GALNT16: variants seen among roughly 807,000 people sequenced by gnomAD.
GALNT16 encodes UDP-GalNAc:polypeptide N-acetylgalactosaminyltransferase-like protein 1.
In GALNT16, 40 loss-of-function variants were observed where a neutral mutation model predicts 76.1. That is an observed-to-expected ratio of 0.53 (90% CI 0.41 to 0.68). The LOEUF is 0.68. Ranked by LOEUF, GALNT16 falls within the 30% of genes least tolerant of loss-of-function variation. GALNT16 has a pLI of 0.00. For synonymous variants in GALNT16, 276 were observed against 285.2 expected, an observed-to-expected ratio of 0.97 and a Z score of 0.32; for missense variants, 621 against 731.9, an observed-to-expected ratio of 0.85 and a Z score of 1.75.
At chr14:69,265,401 C>T (rs1323434340) in intron 1 of GALNT16, among the ~76,000 whole-genome samples, 1 of 152,176 alleles carries the variant, frequency 6.6e-6, no homozygotes, top group African/African-American at 2.4e-5. Context: ...GGCTTTCTTC[C>T]ATGGTGGCTG....
chr14:69,265,883 G>T (rs909270911), intron 1 of GALNT16, among the ~76,000 whole-genome samples: 4 of 152,164 alleles, frequency 2.6e-5, no homozygotes, highest in African/African-American at 9.7e-5. Flanking sequence ...TACCTGTCTA[G>T]CCTCCATAAT....
intron 1 of GALNT16, among the ~76,000 whole-genome samples, chr14:69,271,157 T>A (rs2044402836): frequency 6.6e-6 from 1 of 152,088 alleles, no homozygotes; most frequent in Non-Finnish European, 1.5e-5. Flanking sequence ...CATCGCTGGA[T>A]GCACCCCGGA....
intron 1 of GALNT16, among the ~76,000 whole-genome samples, chr14:69,275,197 G>C (rs550929849): frequency 2.0e-5 from 3 of 152,112 alleles, no homozygotes; most frequent in African/African-American, 7.2e-5. Context: ...GACTAGAAGG[G>C]TGCAGCCTGG....
intron 12 of GALNT16, among the ~76,000 whole-genome samples, chr14:69,346,589 G>A (rs949892804): frequency 2.6e-5 from 4 of 152,170 alleles, no homozygotes; most frequent in Admixed American, 6.5e-5. Context: ...ACTCTGATAC[G>A]TAGTTCTTTA....
intron 1 of GALNT16, among the ~76,000 whole-genome samples, chr14:69,282,508 C>T (rs986403195): frequency 2.0e-5 from 3 of 152,038 alleles, no homozygotes; most frequent in African/African-American, 7.2e-5. Context: ...CCACGATGAT[C>T]GCCCTTGGAA....
Position 69,322,925 on chromosome 14 carries a change from G to GGGGTGTGTGTGTGTGT in GALNT16, c.336-1766_336-1765insGGTGTGTGTGTGTGTG, listed in dbSNP as rs797021875. ...AAAAGAAAGCTGAGGTGGCTCACGG[G>GGGGTGTGTGTGTGTGT]GTGTGTGTGTGTGTGTGTGTGTGTG... is the stretch of plus-strand genomic sequence containing the variant. On this transcript the variant is annotated intron_variant, in intron 2 of 14. Transcript: ENST00000448469. 7.7e-4 allele frequency among the ~76,000 whole-genome samples: 80 copies of GGGGTGTGTGTGTGTGT among 103,858 alleles called. 2 individuals carry two copies. The highest frequency in any genetic ancestry group is 2.9e-3 in the African/African-American group (75 of 25,598). 68.1% of individuals were successfully genotyped at this position (103,858 alleles called of 152,430 possible). A position where few individuals can be genotyped will look rare whatever the true frequency, so the allele number is the denominator to read the frequency against.
intron 1 of GALNT16, among the ~76,000 whole-genome samples, chr14:69,296,557 G>C (rs1434969733): frequency 6.6e-6 from 1 of 152,070 alleles, no homozygotes; most frequent in Admixed American, 6.6e-5. Context: ...GCCTGGCATG[G>C]TGGCACACAC....
intron 1 of GALNT16, among the ~76,000 whole-genome samples, chr14:69,289,880 C>T (rs2044667253): frequency 6.6e-6 from 1 of 152,024 alleles, no homozygotes; most frequent in South Asian, 2.1e-4. Context: ...ACTACAGGTG[C>T]CCGCCACCAG....
downstream of GALNT16, chr14:69,355,930 G>T (rs1428237374): frequency 6.6e-6 from 1 of 152,242 alleles, no homozygotes; most frequent in Non-Finnish European, 1.5e-5. Flanking sequence ...GCCTGCGGGG[G>T]ATGTCTCCCA....
chr14:69,385,580 A>T, the GALNT16 span, among the ~76,000 whole-genome samples: 2 of 151,998 alleles, frequency 1.3e-5, no homozygotes, highest in Non-Finnish European at 2.9e-5. Context: ...CTTAAAAAAA[A>T]GCAATTTCTT....
At chr14:69,277,280 C>T (rs556500466) in intron 1 of GALNT16, among the ~76,000 whole-genome samples, 3 of 152,260 alleles carry the variant, frequency 2.0e-5, no homozygotes, top group South Asian at 4.2e-4. Context: ...CGTGCAGGCT[C>T]GTCACATATG....
At chr14:69,325,307 GCT>G (rs1566880952) in intron 3 of GALNT16, 28 bp from the exon 4 acceptor site, 1 of 1,430,184 alleles carries the variant, frequency 7.0e-7, no homozygotes, top group South Asian at 1.1e-5. Context: ...CTAAATCCAG[GCT>G]CTTTCTCTGT....
At chr14:69,378,186 G>A in the GALNT16 span, among the ~76,000 whole-genome samples, 1 of 152,220 alleles carries the variant, frequency 6.6e-6, no homozygotes, top group Non-Finnish European at 1.5e-5. Context: ...CAGAGAACTG[G>A]AAGGGAAGTG....
intron 1 of GALNT16, among the ~76,000 whole-genome samples, chr14:69,298,341 C>T (rs72625671): frequency 6.6e-6 from 1 of 152,144 alleles, no homozygotes; most frequent in African/African-American, 2.4e-5. Context: ...CCTCCTTCAG[C>T]TTGTAGATAG....
the GALNT16 span, among the ~76,000 whole-genome samples, chr14:69,373,713 TTTC>T: frequency 5.9e-5 from 9 of 152,212 alleles, no homozygotes; most frequent in East Asian, 1.2e-3. Flanking sequence ...CTCTTTTTCT[TTTC>T]TTTTTTCTTT....
At chr14:69,272,809 A>G (rs914905727) in intron 1 of GALNT16, among the ~76,000 whole-genome samples, 2 of 152,220 alleles carry the variant, frequency 1.3e-5, no homozygotes, top group African/African-American at 2.4e-5. Context: ...TTGTGTTACC[A>G]TCGCCTACCA....
chr14:69,280,036 A>T (rs116768360), intron 1 of GALNT16, among the ~76,000 whole-genome samples: 2 of 152,222 alleles, frequency 1.3e-5, no homozygotes, highest in African/African-American at 4.8e-5. Context: ...TTGTAGTAAA[A>T]TACATATAAG....
At position 69,322,965 on chromosome 14, in the gene GALNT16, TGTGTGTGTGTGTGTGTGC is replaced by T. The variant is rs1484213892; in HGVS notation, c.336-1725_336-1708del. ...GTGTGTGTGTGTGTGTGTGTGTGTG[TGTGTGTGTGTGTGTGTGC>T]GCGCGCACGCGCGCACGCATGCACA... On this transcript the variant is annotated intron_variant, in intron 2 of 14. Coordinates refer to ENST00000448469, the MANE Select transcript of GALNT16 (RefSeq NM_001168368.2). Among the ~76,000 whole-genome samples the T allele has an allele frequency of 3.2e-3, 220 of 69,336 alleles. 6 individuals are homozygous for T. The highest frequency in any genetic ancestry group is 0.026 in the African/African-American group (210 of 8,172). The allele number at this position is 69,336 out of a possible 152,430, so 45.5% of individuals were successfully genotyped here.
intron 6 of GALNT16, among the ~76,000 whole-genome samples, chr14:69,329,683 G>A (rs1279351699): frequency 6.6e-6 from 1 of 152,098 alleles, no homozygotes; most frequent in Non-Finnish European, 1.5e-5. Context: ...CATCTGCTTG[G>A]CTTCTGAGGA....
Sources: gnomAD v4.1 joint callset for allele counts (sites outside exome capture counted in the v4.1 genomes callset) on GRCh38, gnomAD v4.1.1 for gene constraint, MANE v1.5 for transcripts, NCBI Gene and HGNC (gene_info 2026-07-23, HGNC 2026-07-21) for gene names.